The following MARK1 variants were observed in gnomAD, a reference collection of about 807,000 sequenced individuals.
The protein encoded by MARK1 is microtubule affinity regulating kinase 1.
Under a neutral mutation model 96.3 loss-of-function variants are expected in MARK1, and 40 were observed. That is an observed-to-expected ratio of 0.42 (90% confidence interval 0.32 to 0.54). The LOEUF (loss-of-function observed/expected upper bound fraction) is 0.54. Among genes scored for constraint, MARK1 ranks in the 20% least tolerant of loss-of-function variants. MARK1 has a pLI of 0.16. For synonymous variants in MARK1, 317 were observed against 341.2 expected, an observed-to-expected ratio of 0.93 and a Z score of 0.78; for missense variants, 719 against 984.6, an observed-to-expected ratio of 0.73 and a Z score of 3.61.
At chr1:220,620,616 G>A (rs1667005204) in intron 9 of MARK1, among the ~76,000 whole-genome samples, 1 of 152,064 alleles carries the variant, frequency 6.6e-6, no homozygotes, top group Non-Finnish European at 1.5e-5. Flanking sequence ...AAACACTTTA[G>A]TCTTTTATCA....
At chr1:220,617,265 A>C (rs1666808007) in intron 7 of MARK1, among the ~76,000 whole-genome samples, 1 of 152,156 alleles carries the variant, frequency 6.6e-6, no homozygotes, top group South Asian at 2.1e-4. Flanking sequence ...GTGTATCTGC[A>C]TTTTCCAAAA....
At chr1:220,651,921 AT>A in intron 14 of MARK1, 64 bp from the exon 15 acceptor site, 1 of 1,374,246 alleles carries the variant, frequency 7.3e-7, no homozygotes, top group Admixed American at 2.2e-5. Context: ...TAGTTCTTAA[AT>A]TTTAGTAAAC....
intron 3 of MARK1, among the ~76,000 whole-genome samples, chr1:220,594,264 A>G (rs1413167191): frequency 1.3e-5 from 2 of 152,250 alleles, no homozygotes; most frequent in Non-Finnish European, 2.9e-5. Flanking sequence ...GCAAATAAGC[A>G]TATGAAAAGA....
At chr1:220,592,905 C>G (rs1422505490) in intron 3 of MARK1, among the ~76,000 whole-genome samples, 1 of 152,138 alleles carries the variant, frequency 6.6e-6, no homozygotes, top group Non-Finnish European at 1.5e-5. Flanking sequence ...GTCTGATATA[C>G]TGAAATGCTG....
intron 6 of MARK1, among the ~76,000 whole-genome samples, chr1:220,612,835 A>G (rs879597884): frequency 1.3e-5 from 2 of 152,186 alleles, no homozygotes; most frequent in Admixed American, 6.5e-5. Flanking sequence ...ACTCTTAGAA[A>G]TACCAAAGAC....
At chr1:220,549,519 A>T (rs1195324736) in intron 1 of MARK1, among the ~76,000 whole-genome samples, 1 of 152,122 alleles carries the variant, frequency 6.6e-6, no homozygotes, top group Non-Finnish European at 1.5e-5. Context: ...ATTCCTTTTT[A>T]TACCAAGAAA....
chr1:220,657,061 G>A (rs1167279452), intron 16 of MARK1, among the ~76,000 whole-genome samples: 2 of 152,120 alleles, frequency 1.3e-5, no homozygotes, highest in Non-Finnish European at 2.9e-5. Context: ...CTATTTAATA[G>A]TATTTTACCC....
intron 13 of MARK1, among the ~76,000 whole-genome samples, chr1:220,642,239 G>A (rs146732699): frequency 0.014 from 2,193 of 152,316 alleles, 28 homozygotes; most frequent in Middle Eastern, 0.045. Context: ...AGATGACCAA[G>A]TTCCCAGCGT....
chr1:220,635,758 C>T (rs1667925434), intron 12 of MARK1, 75 bp from the exon 13 acceptor site: 2 of 1,290,876 alleles, frequency 1.5e-6, no homozygotes, highest in South Asian at 1.5e-5. Flanking sequence ...AATTTTAATA[C>T]AGAGTTTTTG....
chr1:220,635,844 A>G lies in MARK1; in HGVS notation c.1288A>G (p.Ile430Val), dbSNP rs776477525. 6.9e-6 allele frequency: 11 copies of G among 1,592,088 alleles called. No individual in the cohort carries two copies. In the South Asian group the frequency reaches 1.2e-4, roughly 17 times the overall value. ...RRFSDHAGPS[I>V]PPAVSYTKRP... ...TAAAAAAATTATAGCTGGTCCATCC[A>G]TTCCTCCTGCTGTATCATATACCAA... The change falls in exon 13 of 18, where the codon ATT becomes GTT. Residue 430 changes from isoleucine to valine, a missense_variant. This residue lies in a region of MARK1 where 501 missense variants were observed against 588.3 expected (regional missense o/e 0.85). Transcript: ENST00000366917.
At chr1:220,630,570 T>G (rs1352377303) in intron 9 of MARK1, among the ~76,000 whole-genome samples, 2 of 152,268 alleles carry the variant, frequency 1.3e-5, no homozygotes, top group East Asian at 3.9e-4. Flanking sequence ...CTATCTTTAT[T>G]GATAGCTTTA....
chr1:220,535,675 G>C (rs1660636161), intron 1 of MARK1, among the ~76,000 whole-genome samples: 1 of 152,002 alleles, frequency 6.6e-6, no homozygotes, highest in Non-Finnish European at 1.5e-5. Context: ...AATCCCTTTT[G>C]AGATAGTTTT....
At chr1:220,558,557 A>G (rs921431095) in intron 1 of MARK1, among the ~76,000 whole-genome samples, 7 of 152,094 alleles carry the variant, frequency 4.6e-5, no homozygotes, top group East Asian at 1.9e-4. Context: ...CTGACATATC[A>G]ATATTAATAT....
chr1:220,565,445 G>A (rs906392925), intron 1 of MARK1, among the ~76,000 whole-genome samples: 2 of 152,064 alleles, frequency 1.3e-5, no homozygotes, highest in African/African-American at 2.4e-5. Flanking sequence ...TGAAGTTGCC[G>A]TCATTGTTTT....
intron 1 of MARK1, among the ~76,000 whole-genome samples, chr1:220,550,147 C>A (rs1661763996): frequency 6.6e-6 from 1 of 152,202 alleles, no homozygotes; most frequent in South Asian, 2.1e-4. Flanking sequence ...GAATCTCTCT[C>A]TTGAGACTGC....
chr1:220,536,777 C>T (rs529911661), intron 1 of MARK1, among the ~76,000 whole-genome samples: 80 of 152,220 alleles, frequency 5.3e-4, no homozygotes, highest in Admixed American at 2.9e-3. Context: ...AAACAGGTTT[C>T]GCCATGTTGG....
At chr1:220,536,495 C>T (rs1191723906) in intron 1 of MARK1, among the ~76,000 whole-genome samples, 1 of 151,382 alleles carries the variant, frequency 6.6e-6, no homozygotes, top group African/African-American at 2.4e-5. Context: ...AAGTTTCTAA[C>T]CTTATCATTT....
chr1:220,607,583 C>T (rs1195861780), intron 6 of MARK1, among the ~76,000 whole-genome samples: 1 of 150,294 alleles, frequency 6.7e-6, no homozygotes, highest in Non-Finnish European at 1.5e-5. Flanking sequence ...GGTGAGAGGA[C>T]ATCCCTGTCG....
At chr1:220,599,909 G>T in intron 5 of MARK1, 46 bp downstream of exon 5, 1 of 1,314,762 alleles carries the variant, frequency 7.6e-7, no homozygotes, top group Non-Finnish European at 1.1e-6. Context: ...GAGACATACA[G>T]AAATGTTAAC....
Sources: gnomAD v4.1 joint callset for allele counts (sites outside exome capture counted in the v4.1 genomes callset) on GRCh38, gnomAD v4.1.1 for gene constraint, gnomAD v4.1.1 regional missense constraint, MANE v1.5 for transcripts, NCBI Gene and HGNC (gene_info 2026-07-23, HGNC 2026-07-21) for gene names.